Variants in SCNN1G observed in about 807,000 individuals in gnomAD.
SCNN1G encodes the protein epithelial sodium channel subunit gamma.
In SCNN1G, 27 loss-of-function variants were observed where a neutral mutation model predicts 64.6. The ratio of observed to expected loss-of-function variants is 0.42; its 90% CI spans 0.31 to 0.58. SCNN1G has a LOEUF of 0.58. SCNN1G is among the 20% of genes least tolerant of loss of function. The pLI is 0.18. For synonymous variants in SCNN1G, 330 were observed against 314.2 expected, an observed-to-expected ratio of 1.05 and a Z score of -0.53; for missense variants, 743 against 823.4, an observed-to-expected ratio of 0.90 and a Z score of 1.19.
intron 11 of SCNN1G, among the ~76,000 whole-genome samples, chr16:23,214,270 G>A (rs917173456): frequency 6.6e-6 from 1 of 152,222 alleles, no homozygotes; most frequent in African/African-American, 2.4e-5. Flanking sequence ...CAATGAGTTA[G>A]TTCACATAAA....
chr16:23,212,764 G>GA lies in SCNN1G; in HGVS notation c.1373+9dup. The GA allele has an allele frequency of 1.2e-6, 2 of 1,613,910 alleles. No individual in the cohort carries two copies. Among genetic ancestry groups the GA allele is most frequent in the Non-Finnish European group, 1.7e-6 (2 of 1,179,770 alleles). On this transcript the variant is annotated intron_variant, in intron 9 of 12. Transcript: ENST00000300061. ...GTGCAAGGAAGCCTGCAGGTATGTG[G>GA]ACCCCAAGGGGTGAGACGGGTGGCT...
chr16:23,188,197 A>G (rs1372664015), intron 2 of SCNN1G, among the ~76,000 whole-genome samples: 2 of 152,194 alleles, frequency 1.3e-5, no homozygotes, highest in South Asian at 4.1e-4. Flanking sequence ...TAAAGTCTTA[A>G]TAAATATAAT....
intron 6 of SCNN1G, among the ~76,000 whole-genome samples, chr16:23,206,046 G>A (rs1959985029): frequency 6.6e-6 from 1 of 152,218 alleles, no homozygotes; most frequent in Admixed American, 6.5e-5. Context: ...AATGCAGGAT[G>A]AATGTAGCTG....
rs769882629 is a variant in SCNN1G at position 23,189,658 on chromosome 16, T to A, written c.605T>A (p.Val202Glu). 3.7e-6 allele frequency: 6 copies of A among 1,614,052 alleles called. No individual in the cohort carries two copies. In the African/African-American group the frequency reaches 8.0e-5, roughly 22 times the overall value. ...ATGCACATCGAGTCCAAGCAAGTGGTGGGATTCCAACTGGTAAGATTTCAC... is the reference window on the plus strand; with the variant it reads ...ATGCACATCGAGTCCAAGCAAGTGGAGGGATTCCAACTGGTAAGATTTCAC... ...NVMHIESKQV[V>E]GFQLCSNDTS... is the part of the protein sequence containing the mutation. Residue 202 changes from valine to glutamate, a missense_variant, in exon 3 of 13, where the codon GTG becomes GAG. By Grantham distance (121) the Val-to-Glu change is moderately radical (BLOSUM62 -2). Coordinates refer to ENST00000300061, the MANE Select transcript of SCNN1G (RefSeq NM_001039.4).
intron 6 of SCNN1G, among the ~76,000 whole-genome samples, chr16:23,200,468 G>T (rs923374448): frequency 6.6e-6 from 1 of 152,116 alleles, no homozygotes; most frequent in Non-Finnish European, 1.5e-5. Flanking sequence ...CAAAGTTCTA[G>T]CTATAGCTTT....
In SCNN1G at chr16:23,182,820, T is replaced by C. The variant is rs559909797; in HGVS notation, c.-45+7T>C. 10 of 152,398 alleles carry C rather than the reference T, an allele frequency of 6.6e-5. No individual in the cohort carries two copies. The highest frequency in any genetic ancestry group is 2.2e-4 in the African/African-American group (9 of 41,552). 9.4% of individuals were successfully genotyped at this position (152,398 alleles called of 1,614,324 possible). On this transcript the variant is annotated splice_region_variant and intron_variant, in intron 1 of 12. Transcript: ENST00000300061. ...GACCCTTTGGAACCGAAAGGTGAGTTCAGCCGGGTTGGGTCGGACCAGCTC... is the reference window on the plus strand; with the variant it reads ...GACCCTTTGGAACCGAAAGGTGAGTCCAGCCGGGTTGGGTCGGACCAGCTC...
rs189606952 is a variant in SCNN1G at position 23,214,319 on chromosome 16, A to G, written c.1494-393A>G. On this transcript the variant is annotated intron_variant, in intron 11 of 12. Transcript: ENST00000300061. ...TGCTTGGCAACACAGGAAGTGCCCC[A>G]TAAATGCTTGTTGCCATTGTGCCTA... 5.2e-5 allele frequency among the ~76,000 whole-genome samples: 8 copies of G among 152,388 alleles called. No homozygotes were observed. The East Asian group carries it at 1.5e-3, about 29-fold the overall frequency.
intron 7 of SCNN1G, among the ~76,000 whole-genome samples, chr16:23,211,776 C>T (rs543128377): frequency 2.6e-5 from 4 of 152,254 alleles, no homozygotes; most frequent in Admixed American, 2.0e-4. Flanking sequence ...CATGCCACTG[C>T]ACTCCAGTCT....
At chr16:23,201,111 C>T (rs1041057618) in intron 6 of SCNN1G, among the ~76,000 whole-genome samples, 1 of 152,228 alleles carries the variant, frequency 6.6e-6, no homozygotes, top group African/African-American at 2.4e-5. Context: ...GAGATAGCCA[C>T]TTAAGCAGCT....
At chr16:23,194,084 G>A in intron 4 of SCNN1G, 87 bp from the exon 5 acceptor site, 1 of 855,932 alleles carries the variant, frequency 1.2e-6, no homozygotes, top group Non-Finnish European at 2.0e-6. Flanking sequence ...TCCCCAAAGA[G>A]AGTTGGCTCC....
At chr16:23,204,332 T>TAGAG (rs1275220740) in intron 6 of SCNN1G, among the ~76,000 whole-genome samples, 18 of 25,142 alleles carry the variant, frequency 7.2e-4, no homozygotes, top group Admixed American at 1.2e-3. Flanking sequence ...TATATATATA[T>TAGAG]ATAGAGAGAG....
chr16:23,214,757 G>T lies in SCNN1G; in HGVS notation c.1539G>T (p.Gln513His), dbSNP rs746878962. ...KLLIFYKDLN[Q>H]RSIMESPANS... The stretch of plus-strand genomic sequence containing the variant: ...TGATATTCTACAAAGACCTGAACCA[G>T]AGATCCATCATGGAGAGCCCAGCCA... The change falls in exon 12 of 13, where the codon CAG (glutamine) becomes CAT (histidine). Residue 513 changes from glutamine (Q) to histidine (H), a missense_variant. Coordinates refer to ENST00000300061, the MANE Select transcript of SCNN1G (RefSeq NM_001039.4). 27 of 1,614,174 alleles carry T rather than the reference G, an allele frequency of 1.7e-5. No homozygotes were observed. Among genetic ancestry groups the T allele is most frequent in the Non-Finnish European group, 2.1e-5 (25 of 1,180,000 alleles).
chr16:23,207,793 A>T (rs922784571), intron 6 of SCNN1G, among the ~76,000 whole-genome samples: 1 of 152,202 alleles, frequency 6.6e-6, no homozygotes, highest in African/African-American at 2.4e-5. Context: ...ATGGGTCAGC[A>T]GATGAAATGC....
chr16:23,189,359 C>T lies in SCNN1G; in HGVS notation c.318-12C>T, dbSNP rs1420699116. The T allele has an allele frequency of 2.5e-6, 4 of 1,612,384 alleles. No individual in the cohort carries two copies. In the African/African-American group the frequency reaches 4.0e-5, roughly 16 times the overall value. The stretch of plus-strand genomic sequence containing the variant: ...CTCCCCTCTCCCTGACTTTTCCTCC[C>T]CACCTTGGCAGGTACAGCACCGTTC... On this transcript the variant is annotated splice_polypyrimidine_tract_variant and intron_variant, in intron 2 of 12. Coordinates refer to ENST00000300061, the MANE Select transcript of SCNN1G (RefSeq NM_001039.4).
At chr16:23,192,643 A>T in intron 4 of SCNN1G, 101 bp downstream of exon 4, 1 of 951,294 alleles carries the variant, frequency 1.1e-6, no homozygotes. Context: ...TCTTGGGAGC[A>T]AAAGGTGCTC....
At chr16:23,197,701 G>A (rs2141934906) in intron 6 of SCNN1G, among the ~76,000 whole-genome samples, 1 of 152,176 alleles carries the variant, frequency 6.6e-6, no homozygotes, top group Non-Finnish European at 1.5e-5. Flanking sequence ...CCAACTTGGT[G>A]AAACCTGTCT....
intron 4 of SCNN1G, among the ~76,000 whole-genome samples, chr16:23,193,358 G>A (rs1225600111): frequency 6.6e-6 from 1 of 152,116 alleles, no homozygotes; most frequent in Non-Finnish European, 1.5e-5. Context: ...ATTCTAAAGT[G>A]TTCCTGGGCT....
intron 6 of SCNN1G, among the ~76,000 whole-genome samples, chr16:23,204,094 T>C (rs2141939244): frequency 6.6e-6 from 1 of 150,568 alleles, no homozygotes; most frequent in Admixed American, 6.7e-5. Flanking sequence ...GTCTGGGCAA[T>C]ATGGTGACAC....
intron 1 of SCNN1G, 134 bp from the exon 2 acceptor site, chr16:23,186,094 C>G: frequency 1.5e-6 from 1 of 669,268 alleles, no homozygotes; most frequent in Non-Finnish European, 2.7e-6. Context: ...TGCAAAGTGC[C>G]TAAGCCACAG....
Sources: allele counts gnomAD v4.1 joint callset (sites outside exome capture counted in the v4.1 genomes callset), GRCh38; gene constraint gnomAD v4.1.1; transcripts MANE v1.5; gene names NCBI Gene and HGNC (gene_info 2026-07-23, HGNC 2026-07-21).